Variants in RNF157 observed in about 807,000 individuals in gnomAD.
RNF157 encodes the protein E3 ubiquitin ligase RNF157.
In RNF157, 55 loss-of-function variants were observed where a neutral mutation model predicts 88.3. The observed-to-expected ratio is 0.62, with a 90% CI of 0.50 to 0.78. The LOEUF (loss-of-function observed/expected upper bound fraction) is 0.78, where lower values mean the gene tolerates loss of function less well. RNF157 is among the 30% of genes least tolerant of loss of function. The pLI, the probability that RNF157 is intolerant of heterozygous loss-of-function variation, is 0.00. For synonymous variants in RNF157, 334 were observed against 341.2 expected, an observed-to-expected ratio of 0.98 and a Z score of 0.23; for missense variants, 788 against 860.8, an observed-to-expected ratio of 0.92 and a Z score of 1.06.
chr17:76,154,405 C>T (rs2068729738), intron 16 of RNF157, 77 bp from the exon 17 acceptor site: 1 of 935,534 alleles, frequency 1.1e-6, no homozygotes. Context: ...CAGAACTAAT[C>T]ATCCTACTGG....
intron 1 of RNF157, among the ~76,000 whole-genome samples, chr17:76,213,942 A>G (rs747112291): frequency 3.1e-4 from 47 of 152,312 alleles, no homozygotes; most frequent in Non-Finnish European, 5.0e-4. Context: ...CCCTTCTCAC[A>G]TAACCTCGCC....
At chr17:76,154,639 T>C (rs1276837997) in intron 16 of RNF157, 6 of 298,390 alleles carry the variant, frequency 2.0e-5, no homozygotes, top group Non-Finnish European at 3.7e-5. Context: ...AATTACTAAA[T>C]GAAAGAGCAA....
At chr17:76,235,341 G>A (rs958120421) in intron 1 of RNF157, among the ~76,000 whole-genome samples, 1 of 152,090 alleles carries the variant, frequency 6.6e-6, no homozygotes, top group African/African-American at 2.4e-5. Flanking sequence ...GGGACTACAG[G>A]CTTCTGTCAC....
At chr17:76,159,662 GT>G in intron 11 of RNF157, 89 bp from the exon 12 acceptor site, 1 of 944,936 alleles carries the variant, frequency 1.1e-6, no homozygotes, top group Non-Finnish European at 1.7e-6. Flanking sequence ...TGAAAAAAAT[GT>G]TTTATATCTG....
intron 1 of RNF157, chr17:76,226,949 C>G (rs899509805): frequency 3.1e-6 from 2 of 651,746 alleles, no homozygotes; most frequent in African/African-American, 3.7e-5. Context: ...GGTGCTGCTG[C>G]CGCCGCTGCA....
chr17:76,231,619 C>T (rs1457337766), intron 1 of RNF157, among the ~76,000 whole-genome samples: 1 of 152,000 alleles, frequency 6.6e-6, no homozygotes, highest in African/African-American at 2.4e-5. Context: ...TAGTGAGACC[C>T]CATCTCCACT....
chr17:76,163,383 C>CAT (rs2068874950), intron 8 of RNF157: 1 of 152,042 alleles, frequency 6.6e-6, no homozygotes, highest in African/African-American at 2.4e-5. Context: ...GTGGTAGAGA[C>CAT]GGGGTTTCAC....
In RNF157 at chr17:76,176,993, G is replaced by A. The variant is rs2069114465; in HGVS notation, c.208-3203C>T. On this transcript the variant is annotated intron_variant, in intron 2 of 18. Transcript: ENST00000269391. The surrounding 1 kb of genome is among the most constrained non-coding windows in gnomAD (Gnocchi z 4.2). ...CCCCAGGTCTGCCCCACATTGGGGT[G>A]ACCACTGAGCCTGACACTCCTGGGC... 6.6e-6 allele frequency among the ~76,000 whole-genome samples: 1 copy of A among 152,124 alleles called. No homozygotes were observed. Among genetic ancestry groups the A allele is most frequent in the South Asian group, 2.1e-4 (1 of 4,828 alleles).
intron 15 of RNF157, 101 bp from the exon 16 acceptor site, chr17:76,155,418 G>C: frequency 6.9e-7 from 1 of 1,446,854 alleles, no homozygotes; most frequent in Non-Finnish European, 9.7e-7. Context: ...AGGAGGGTCA[G>C]ACCTAAGGGA....
At chr17:76,167,424 T>G (rs980310170) in intron 4 of RNF157, among the ~76,000 whole-genome samples, 1 of 152,170 alleles carries the variant, frequency 6.6e-6, no homozygotes, top group Non-Finnish European at 1.5e-5. Context: ...AGGTAAAGGG[T>G]AGGGCTTTGT....
At position 76,176,323 on chromosome 17, in the gene RNF157, T is replaced by C. The variant is rs76027598; in HGVS notation, c.208-2533A>G. ...GTAATCTGAAGGCTTCATGGAGGAG[T>C]TGGTAGTTGATCTGGGATCCTAAAG... On this transcript the variant is annotated intron_variant, in intron 2 of 18. Transcript: ENST00000269391. The surrounding 1 kb of genome is among the most constrained non-coding windows in gnomAD (Gnocchi z 4.2). Among the ~76,000 whole-genome samples the C allele has an allele frequency of 5.3e-5, 8 of 151,596 alleles. No homozygotes were observed. The highest frequency in any genetic ancestry group is 5.3e-4 in the Admixed American group (8 of 15,230).
At chr17:76,156,161 G>T in intron 14 of RNF157, 49 bp downstream of exon 14, 1 of 1,418,350 alleles carries the variant, frequency 7.1e-7, no homozygotes, top group South Asian at 1.2e-5. Flanking sequence ...GGACACTGTG[G>T]GCTGGGTAAG....
intron 1 of RNF157, among the ~76,000 whole-genome samples, chr17:76,231,913 C>A: frequency 6.6e-6 from 1 of 152,200 alleles, no homozygotes; most frequent in Non-Finnish European, 1.5e-5. Context: ...ACTCTTATTA[C>A]CAGCCTTAGG....
chr17:76,155,846 C>T (rs984841704), intron 14 of RNF157, 112 bp from the exon 15 acceptor site: 56 of 939,636 alleles, frequency 6.0e-5, no homozygotes, highest in Middle Eastern at 6.9e-4. Context: ...GTGAAGTGGC[C>T]GTATCTTGCC....
At chr17:76,152,587 C>T (rs1213212272) in intron 17 of RNF157, 122 bp from the exon 18 acceptor site, 2 of 680,232 alleles carry the variant, frequency 2.9e-6, no homozygotes, top group Non-Finnish European at 5.3e-6. Flanking sequence ...AAAAAAAAGA[C>T]AATAATTAAG....
intron 1 of RNF157, among the ~76,000 whole-genome samples, chr17:76,239,434 G>A (rs570681950): frequency 6.6e-6 from 1 of 152,200 alleles, no homozygotes; most frequent in East Asian, 1.9e-4. Flanking sequence ...TCCCAGAGCT[G>A]GTCCCACTCC....
chr17:76,146,272 A>G lies in RNF157; in HGVS notation c.1922-919T>C. 2.3e-6 allele frequency: 2 copies of G among 868,042 alleles called. No individual in the cohort carries two copies. Among genetic ancestry groups the G allele is most frequent in the African/African-American group, 3.6e-5 (2 of 55,032 alleles). The allele number at this position is 868,042 out of a possible 1,614,324, so 53.8% of individuals were successfully genotyped here. On this transcript the variant is annotated intron_variant, in intron 18 of 18. Transcript: ENST00000269391. The surrounding 1 kb of genome is among the most constrained non-coding windows in gnomAD (Gnocchi z 4.2). The stretch of plus-strand genomic sequence containing the variant: ...GTGGGCCTTGGTTTTCTCACCCATC[A>G]GATGGGACATGCGTACTGACCTCAC...
chr17:76,199,617 T>C (rs1285842330), intron 2 of RNF157, among the ~76,000 whole-genome samples: 1 of 141,822 alleles, frequency 7.1e-6, no homozygotes, highest in African/African-American at 2.6e-5. Context: ...AAGAGCCACA[T>C]CAATACTAAT....
intron 2 of RNF157, among the ~76,000 whole-genome samples, chr17:76,185,067 A>T (rs916521392): frequency 1.3e-5 from 2 of 152,252 alleles, no homozygotes; most frequent in African/African-American, 4.8e-5. Context: ...GGTAATGACC[A>T]TCACAGATCC....
Sources: allele counts gnomAD v4.1 joint callset (sites outside exome capture counted in the v4.1 genomes callset), GRCh38; gene constraint gnomAD v4.1.1; non-coding constraint Gnocchi (gnomAD v3.1); transcripts MANE v1.5; gene names NCBI Gene and HGNC (gene_info 2026-07-23, HGNC 2026-07-21).